Variants in SHISA9 observed in about 807,000 individuals in gnomAD.
The protein encoded by SHISA9 is shisa family member 9.
In SHISA9, 13 loss-of-function variants were observed where a neutral mutation model predicts 38.0. That is an observed-to-expected ratio of 0.34 (90% CI 0.22 to 0.54). The LOEUF (loss-of-function observed/expected upper bound fraction) is 0.54, where lower values mean the gene tolerates loss of function less well. SHISA9 is among the 20% of genes least tolerant of loss of function. SHISA9 has a pLI of 0.91. For missense variants in SHISA9, 538 were observed against 575.8 expected (o/e 0.93, Z 0.67); for synonymous variants, 275 against 242.0 (o/e 1.14, Z -1.27).
the SHISA9 span, among the ~76,000 whole-genome samples, chr16:13,265,343 A>C: frequency 2.7e-3 from 91 of 33,344 alleles, no homozygotes; most frequent in Non-Finnish European, 3.1e-3. Flanking sequence ...CTCCCCTTTC[A>C]TCTCCTTCCC....
the SHISA9 span, among the ~76,000 whole-genome samples, chr16:13,524,691 G>A: frequency 9.9e-5 from 15 of 152,026 alleles, no homozygotes; most frequent in East Asian, 1.9e-4. Context: ...CCTGAGTAGC[G>A]GGGACTACAG....
rs148805128 is a variant in SHISA9 at position 13,183,337 on chromosome 16, C to T, written c.692-20057C>T. 2.0e-5 allele frequency among the ~76,000 whole-genome samples: 3 copies of T among 152,362 alleles called. No homozygotes were observed. The East Asian group carries it at 5.8e-4, about 29-fold the overall frequency. Reference sequence around the variant, plus strand: ...GTAACACACTTGAAAAGTGTTAACACTATGTATTTGTGTACTTAGAAACCT... The same window carrying T: ...GTAACACACTTGAAAAGTGTTAACATTATGTATTTGTGTACTTAGAAACCT... On this transcript the variant is annotated intron_variant, in intron 2 of 4. Transcript: ENST00000558583.
intron 2 of SHISA9, among the ~76,000 whole-genome samples, chr16:12,976,880 T>G (rs1271228011): frequency 6.6e-6 from 1 of 152,142 alleles, no homozygotes; most frequent in African/African-American, 2.4e-5. Flanking sequence ...AGAGAGTGGC[T>G]GAAAGTGAGC....
At chr16:13,099,597 C>T (rs1202715256) in intron 2 of SHISA9, among the ~76,000 whole-genome samples, 1 of 152,060 alleles carries the variant, frequency 6.6e-6, no homozygotes, top group Admixed American at 6.6e-5. Context: ...CCAGCAACTG[C>T]AAAGGCCCTG....
chr16:13,478,452 C>A, the SHISA9 span, among the ~76,000 whole-genome samples: 1 of 152,118 alleles, frequency 6.6e-6, no homozygotes, highest in Non-Finnish European at 1.5e-5. Flanking sequence ...TTCTTAGGGT[C>A]CTATAAGTCT....
intron 2 of SHISA9, among the ~76,000 whole-genome samples, chr16:13,078,477 C>G (rs139637520): frequency 6.6e-6 from 1 of 151,770 alleles, no homozygotes; most frequent in African/African-American, 2.4e-5. Context: ...GTGATCTTGG[C>G]TCACTGCAAC....
At chr16:13,077,217 A>G (rs568695866) in intron 2 of SHISA9, among the ~76,000 whole-genome samples, 132 of 149,724 alleles carry the variant, frequency 8.8e-4, no homozygotes, top group African/African-American at 3.1e-3. Flanking sequence ...CTCTGTTTCT[A>G]TTTTTCACTT....
intron 2 of SHISA9, among the ~76,000 whole-genome samples, chr16:13,086,795 T>C (rs2073715370): frequency 1.3e-5 from 2 of 152,188 alleles, no homozygotes; most frequent in South Asian, 4.1e-4. Context: ...GATTTTGTTT[T>C]TCTAAGAACC....
intron 2 of SHISA9, among the ~76,000 whole-genome samples, chr16:13,033,366 TC>T (rs1468017052): frequency 6.6e-6 from 1 of 152,118 alleles, no homozygotes; most frequent in East Asian, 1.9e-4. Context: ...CCAACACACT[TC>T]CACTATAAGA....
intron 2 of SHISA9, among the ~76,000 whole-genome samples, chr16:13,014,343 G>A (rs2072715654): frequency 1.3e-5 from 2 of 152,154 alleles, no homozygotes; most frequent in Non-Finnish European, 2.9e-5. Context: ...CTCAAAGAAA[G>A]GGCATTTCCT....
rs551748460 is a variant in SHISA9 at position 12,960,184 on chromosome 16, G to C, written c.691+43369G>C. ...TGTGTAAAGGAATTATCTCCACTTA[G>C]ACTGCAAACAAGATTTTCCTACTTG... On this transcript the variant is annotated intron_variant, in intron 2 of 4. Coordinates refer to ENST00000558583, the MANE Select transcript of SHISA9 (RefSeq NM_001145204.3). Among the ~76,000 whole-genome samples the C allele has an allele frequency of 2.0e-5, 3 of 152,308 alleles. No homozygotes were observed. The South Asian group carries it at 6.2e-4, about 32-fold the overall frequency.
At chr16:13,073,776 G>A (rs2073546865) in intron 2 of SHISA9, among the ~76,000 whole-genome samples, 1 of 152,170 alleles carries the variant, frequency 6.6e-6, no homozygotes, top group African/African-American at 2.4e-5. Flanking sequence ...AGAAGGCCAT[G>A]TGAATGGGAA....
At chr16:12,944,111 A>G (rs960993378) in intron 2 of SHISA9, among the ~76,000 whole-genome samples, 5 of 152,066 alleles carry the variant, frequency 3.3e-5, no homozygotes, top group African/African-American at 1.2e-4. Flanking sequence ...GTCTCTAGTC[A>G]TTGTTGAGGG....
chr16:13,148,807 C>G (rs1293820615), intron 2 of SHISA9, among the ~76,000 whole-genome samples: 1 of 150,970 alleles, frequency 6.6e-6, no homozygotes, highest in East Asian at 2.0e-4. Flanking sequence ...ACACACAATC[C>G]TAGCCTAGAA....
intron 2 of SHISA9, among the ~76,000 whole-genome samples, chr16:13,040,313 A>G (rs1010592856): frequency 3.9e-5 from 6 of 151,988 alleles, no homozygotes; most frequent in Middle Eastern, 3.2e-3. Flanking sequence ...TATTCCTTAA[A>G]CACATGGTGC....
At chr16:13,316,511 G>A in the SHISA9 span, among the ~76,000 whole-genome samples, 1 of 152,152 alleles carries the variant, frequency 6.6e-6, no homozygotes, top group Non-Finnish European at 1.5e-5. Context: ...GCTACAAGGT[G>A]GCAGTAAAAA....
At chr16:12,996,241 G>A (rs1355643141) in intron 2 of SHISA9, among the ~76,000 whole-genome samples, 1 of 152,090 alleles carries the variant, frequency 6.6e-6, no homozygotes, top group African/African-American at 2.4e-5. Flanking sequence ...TTAATTTCCA[G>A]CATTGAAAAA....
chr16:13,446,747 C>G, the SHISA9 span, among the ~76,000 whole-genome samples: 3 of 151,878 alleles, frequency 2.0e-5, no homozygotes, highest in African/African-American at 7.3e-5. Flanking sequence ...GAGGCCGAGG[C>G]GGGTGGATCA....
chr16:12,908,455 T>G, intron 1 of SHISA9: 1 of 1,551,566 alleles, frequency 6.4e-7, no homozygotes. Flanking sequence ...TCGTTTAATT[T>G]CATACCCTTC....
Sources: allele counts gnomAD v4.1 joint callset (sites outside exome capture counted in the v4.1 genomes callset), GRCh38; gene constraint gnomAD v4.1.1; transcripts MANE v1.5; gene names NCBI Gene and HGNC (gene_info 2026-07-23, HGNC 2026-07-21).